VCL: variants seen among roughly 807,000 people sequenced by gnomAD.
VCL encodes epididymis luminal protein 114.
In VCL, 47 loss-of-function variants were observed where a neutral mutation model predicts 125.7. That is an observed-to-expected ratio of 0.37 (90% CI 0.30 to 0.48). The LOEUF (loss-of-function observed/expected upper bound fraction) is 0.48, where lower values mean the gene tolerates loss of function less well. VCL is among the 20% of genes least tolerant of loss of function. The pLI is 0.99. For synonymous variants in VCL, 458 were observed against 514.6 expected, an observed-to-expected ratio of 0.89 and a Z score of 1.49; for missense variants, 1,069 against 1,455.5, an observed-to-expected ratio of 0.73 and a Z score of 4.32.
At chr10:74,111,119 G>C (rs1385048584) in intron 18 of VCL, among the ~76,000 whole-genome samples, 1 of 152,192 alleles carries the variant, frequency 6.6e-6, no homozygotes, top group African/African-American at 2.4e-5. Flanking sequence ...GATGCAAAAA[G>C]AGATGGTAGA....
At chr10:74,115,243 A>G (rs1212416968) in intron 21 of VCL, among the ~76,000 whole-genome samples, 2 of 151,968 alleles carry the variant, frequency 1.3e-5, no homozygotes, top group African/African-American at 2.4e-5. Flanking sequence ...AAAACAAAAC[A>G]AAACACCAGG....
At chr10:74,027,805 C>T (rs1031771444) in intron 1 of VCL, 3 of 151,856 alleles carry the variant, frequency 2.0e-5, no homozygotes, top group Non-Finnish European at 4.4e-5. Context: ...ATTAAATTTT[C>T]ATTTCATCTT....
chr10:74,060,728 G>T (rs142898304), intron 2 of VCL, among the ~76,000 whole-genome samples: 27 of 151,764 alleles, frequency 1.8e-4, no homozygotes, highest in Admixed American at 3.9e-4. Context: ...TCTCTAAATG[G>T]ATTTTCCTCT....
At chr10:74,069,826 G>A (rs1841634951) in intron 2 of VCL, among the ~76,000 whole-genome samples, 1 of 152,130 alleles carries the variant, frequency 6.6e-6, no homozygotes, top group East Asian at 1.9e-4. Flanking sequence ...TGAATACTTG[G>A]TGTATGCATT....
intron 7 of VCL, 146 bp downstream of exon 7, chr10:74,082,690 G>A (rs1014964757): frequency 2.3e-6 from 2 of 859,960 alleles, no homozygotes; most frequent in Admixed American, 2.0e-5. Context: ...ATAGTTCTGA[G>A]TAACTGAAGC....
At position 74,111,932 on chromosome 10, in the gene VCL, G is replaced by A. The variant is rs1057521313; in HGVS notation, c.2769G>A (p.Val923=). ...AGCCGGGCATCCCAGCCGCTGAGGT[G>A]GGTATAGGTGTTGTAGCTGAGGCAG... ...SSKPGIPAAE[V]GIGVVAEADA... The change falls in exon 19 of 22, where the codon GTG becomes GTA. Residue 923 remains valine (V), a synonymous_variant. Coordinates refer to ENST00000211998, the MANE Select transcript of VCL (RefSeq NM_014000.3). The A allele has an allele frequency of 2.5e-6, 4 of 1,614,106 alleles. No homozygotes were observed. The highest frequency in any genetic ancestry group is 1.3e-5 in the African/African-American group (1 of 74,934).
chr10:74,102,448 A>G (rs1240719030), intron 14 of VCL, among the ~76,000 whole-genome samples: 1 of 152,194 alleles, frequency 6.6e-6, no homozygotes, highest in Non-Finnish European at 1.5e-5. Flanking sequence ...TCTTCTATTC[A>G]AATTATAGAA....
chr10:74,111,779 C>T, intron 18 of VCL, 130 bp from the exon 19 acceptor site: 1 of 1,212,626 alleles, frequency 8.2e-7, no homozygotes, highest in Non-Finnish European at 1.2e-6. Context: ...ACACAAGGCT[C>T]CTAGAGAACA....
At chr10:74,038,522 A>G (rs1165046406) in intron 1 of VCL, among the ~76,000 whole-genome samples, 1 of 152,246 alleles carries the variant, frequency 6.6e-6, no homozygotes, top group East Asian at 1.9e-4. Context: ...AATTCTAGCC[A>G]GAGTGTATTG....
intron 1 of VCL, among the ~76,000 whole-genome samples, chr10:73,999,470 C>G (rs1455875180): frequency 6.6e-6 from 1 of 152,184 alleles, no homozygotes; most frequent in African/African-American, 2.4e-5. Context: ...TTCTTTCCCA[C>G]CCTGGGTGGG....
At chr10:74,066,402 AGTT>A (rs1361818210) in intron 2 of VCL, among the ~76,000 whole-genome samples, 1 of 152,110 alleles carries the variant, frequency 6.6e-6, no homozygotes, top group African/African-American at 2.4e-5. Context: ...TAGTAGCTAC[AGTT>A]GTTAACATGA....
At chr10:74,044,123 T>A (rs1418553723) in intron 2 of VCL, among the ~76,000 whole-genome samples, 1 of 151,310 alleles carries the variant, frequency 6.6e-6, no homozygotes, top group African/African-American at 2.4e-5. Flanking sequence ...AAAAAAAAAA[T>A]TATTGTTTCA....
At chr10:74,061,833 A>G (rs900730909) in intron 2 of VCL, among the ~76,000 whole-genome samples, 9 of 150,378 alleles carry the variant, frequency 6.0e-5, no homozygotes, top group African/African-American at 2.2e-4. Context: ...TCTCAGACAT[A>G]TCTTTCGTAT....
At chr10:74,048,712 A>G (rs1180808074) in intron 2 of VCL, among the ~76,000 whole-genome samples, 1 of 152,252 alleles carries the variant, frequency 6.6e-6, no homozygotes, top group Non-Finnish European at 1.5e-5. Flanking sequence ...TGCTGTTTAT[A>G]GAATAGTAGT....
chr10:74,081,156 T>G (rs1268916210), intron 6 of VCL, among the ~76,000 whole-genome samples: 3 of 152,184 alleles, frequency 2.0e-5, no homozygotes, highest in Non-Finnish European at 4.4e-5. Context: ...CACTTCTTTT[T>G]CATTGCTATA....
intron 2 of VCL, among the ~76,000 whole-genome samples, chr10:74,056,122 C>T (rs553896339): frequency 6.6e-5 from 10 of 151,500 alleles, no homozygotes; most frequent in Non-Finnish European, 1.2e-4. Flanking sequence ...GCTGCATACC[C>T]TCCTAATCTC....
intron 1 of VCL, among the ~76,000 whole-genome samples, chr10:74,016,381 C>T (rs991804130): frequency 6.6e-6 from 1 of 151,946 alleles, no homozygotes; most frequent in African/African-American, 2.4e-5. Context: ...GAGGCTGAGG[C>T]AGGCAGATTG....
chr10:74,059,972 G>A (rs978330788), intron 2 of VCL, among the ~76,000 whole-genome samples: 1 of 152,010 alleles, frequency 6.6e-6, no homozygotes, highest in African/African-American at 2.4e-5. Context: ...AGACCAGTCT[G>A]GACAACATAG....
intron 11 of VCL, among the ~76,000 whole-genome samples, chr10:74,094,875 AGT>A (rs1839941355): frequency 6.6e-6 from 1 of 152,066 alleles, no homozygotes. Context: ...TCCAGTCTGT[AGT>A]GAGCTATGAT....
Sources: gnomAD v4.1 joint callset for allele counts (sites outside exome capture counted in the v4.1 genomes callset) on GRCh38, gnomAD v4.1.1 for gene constraint, MANE v1.5 for transcripts, NCBI Gene and HGNC (gene_info 2026-07-23, HGNC 2026-07-21) for gene names.